The following ZNF407 variants were observed in gnomAD, a reference collection of about 807,000 sequenced individuals.
ZNF407 encodes zinc finger protein 407.
A neutral mutation model predicts 131.2 loss-of-function variants in ZNF407; 17 were observed. That is an observed-to-expected ratio of 0.13 (90% CI 0.09 to 0.19). ZNF407 has a LOEUF of 0.19. Ranked by LOEUF, ZNF407 falls within the 10% of genes least tolerant of loss-of-function variation. The pLI, the probability that ZNF407 is intolerant of heterozygous loss-of-function variation, is 1.00. For synonymous variants in ZNF407, 1,156 were observed against 1,062.0 expected (o/e 1.09, Z -1.72); for missense variants, 2,681 against 2,830.6 (o/e 0.95, Z 1.20).
At chr18:74,867,009 A>G (rs1465398928) in intron 4 of ZNF407, among the ~76,000 whole-genome samples, 4 of 148,640 alleles carry the variant, frequency 2.7e-5, no homozygotes, top group African/African-American at 7.4e-5. Flanking sequence ...AAAAAAAAAA[A>G]GGAAGAAATT....
chr18:74,654,295 T>C (rs1985354828), intron 3 of ZNF407, among the ~76,000 whole-genome samples: 2 of 151,846 alleles, frequency 1.3e-5, no homozygotes, highest in Non-Finnish European at 3.0e-5. Context: ...GCAGTAAACA[T>C]GGCAGCACCT....
At chr18:74,790,287 T>C (rs1255491465) in intron 4 of ZNF407, among the ~76,000 whole-genome samples, 2 of 152,186 alleles carry the variant, frequency 1.3e-5, no homozygotes, top group African/African-American at 2.4e-5. Flanking sequence ...TTGCCTCTTA[T>C]ATAGAAATAA....
chr18:74,709,943 T>C (rs1397789960), intron 3 of ZNF407, among the ~76,000 whole-genome samples: 1 of 152,244 alleles, frequency 6.6e-6, no homozygotes, highest in Non-Finnish European at 1.5e-5. Context: ...AATGTTACCA[T>C]ATTTCATTAA....
chr18:74,893,958 A>G (rs991770963), intron 7 of ZNF407, among the ~76,000 whole-genome samples: 4 of 152,144 alleles, frequency 2.6e-5, no homozygotes, highest in African/African-American at 7.2e-5. Context: ...ATATTATTTA[A>G]GTTTCATTTG....
intron 7 of ZNF407, among the ~76,000 whole-genome samples, chr18:74,894,049 T>C (rs551097970): frequency 6.6e-6 from 1 of 152,282 alleles, no homozygotes; most frequent in East Asian, 1.9e-4. Flanking sequence ...AATACAAATA[T>C]AGATTTGTTT....
chr18:74,617,180 A>ACACAG (rs1983350568), intron 1 of ZNF407, among the ~76,000 whole-genome samples: 1 of 152,032 alleles, frequency 6.6e-6, no homozygotes. Flanking sequence ...ATCCATATCC[A>ACACAG]CACACATCGA....
rs779835919 is a variant in ZNF407, at chr18:74,633,801, C to T, written c.2782C>T (p.Leu928Phe). The change falls in exon 2 of 9, where the codon CTT becomes TTT. Residue 928 changes from leucine to phenylalanine, a missense_variant. Transcript: ENST00000299687. Reference sequence around the variant, plus strand: ...CATTGTTGGCCCTGAAGGGGGTAGCCTTGAAGCTGGTAAAAAGAATGCTGG... The same window carrying T: ...CATTGTTGGCCCTGAAGGGGGTAGCTTTGAAGCTGGTAAAAAGAATGCTGG... ...DIIVGPEGGS[L>F]EAGKKNAGSA... 2 of 1,613,820 alleles carry T rather than the reference C, an allele frequency of 1.2e-6. No homozygotes were observed. Among genetic ancestry groups the T allele is most frequent in the East Asian group, 2.2e-5 (1 of 44,862 alleles).
chr18:74,786,592 T>TG, intron 4 of ZNF407, among the ~76,000 whole-genome samples: 1 of 151,976 alleles, frequency 6.6e-6, no homozygotes, highest in Non-Finnish European at 1.5e-5. Flanking sequence ...GAGGAAAACA[T>TG]GTCAGTTCTT....
intron 4 of ZNF407, among the ~76,000 whole-genome samples, chr18:74,836,125 A>G (rs1020093593): frequency 5.3e-5 from 8 of 152,210 alleles, no homozygotes; most frequent in African/African-American, 1.9e-4. Context: ...AGGACAAAAA[A>G]TAGGTTAAAA....
At chr18:74,747,804 AT>A (rs1194876508) in intron 3 of ZNF407, among the ~76,000 whole-genome samples, 1 of 152,262 alleles carries the variant, frequency 6.6e-6, no homozygotes, top group African/African-American at 2.4e-5. Context: ...TATGAATATA[AT>A]TTTCTGAGTG....
chr18:75,025,675 G>T (rs1033779571), intron 8 of ZNF407, among the ~76,000 whole-genome samples: 3 of 152,174 alleles, frequency 2.0e-5, no homozygotes, highest in Non-Finnish European at 4.4e-5. Flanking sequence ...AGTTTGTTTG[G>T]TATGGGGGAA....
At chr18:75,011,859 A>C (rs912345873) in intron 8 of ZNF407, among the ~76,000 whole-genome samples, 8 of 152,172 alleles carry the variant, frequency 5.3e-5, no homozygotes, top group Admixed American at 3.9e-4. Flanking sequence ...TAATTTGTTG[A>C]AAGTATAAAT....
intron 8 of ZNF407, among the ~76,000 whole-genome samples, chr18:74,922,328 G>A (rs1016701526): frequency 6.6e-6 from 1 of 152,212 alleles, no homozygotes; most frequent in South Asian, 2.1e-4. Context: ...CATCAGCAAA[G>A]TGTCCTCCTC....
intron 3 of ZNF407, among the ~76,000 whole-genome samples, chr18:74,756,784 AGC>A (rs1968974744): frequency 6.6e-6 from 1 of 152,190 alleles, no homozygotes; most frequent in East Asian, 1.9e-4. Flanking sequence ...TACTTGTTAT[AGC>A]TCTATACAGA....
intron 7 of ZNF407, among the ~76,000 whole-genome samples, chr18:74,913,519 C>T (rs920490785): frequency 2.6e-5 from 4 of 152,084 alleles, no homozygotes; most frequent in Admixed American, 1.3e-4. Flanking sequence ...TGCATTTAGC[C>T]AAGGGGAGTG....
intron 1 of ZNF407, among the ~76,000 whole-genome samples, chr18:74,629,593 G>A (rs79123945): frequency 2.6e-4 from 39 of 151,974 alleles, no homozygotes; most frequent in Non-Finnish European, 4.0e-4. Flanking sequence ...CGTATTGTTC[G>A]CGCTTCCAGT....
chr18:74,873,831 T>A (rs1260831384), intron 4 of ZNF407, among the ~76,000 whole-genome samples: 1 of 152,110 alleles, frequency 6.6e-6, no homozygotes, highest in African/African-American at 2.4e-5. Context: ...ATAACAGACA[T>A]CTCAGTGCCA....
intron 8 of ZNF407, among the ~76,000 whole-genome samples, chr18:74,963,801 T>G (rs1972377204): frequency 6.6e-6 from 1 of 152,268 alleles, no homozygotes; most frequent in Non-Finnish European, 1.5e-5. Flanking sequence ...TTGCAGATTT[T>G]TAACTAGAGA....
intron 8 of ZNF407, among the ~76,000 whole-genome samples, chr18:75,008,322 G>A (rs2122175434): frequency 6.6e-6 from 1 of 152,306 alleles, no homozygotes; most frequent in East Asian, 1.9e-4. Context: ...TTATACAGAT[G>A]ATTCCAAATC....
Sources: gnomAD v4.1 joint callset for allele counts (sites outside exome capture counted in the v4.1 genomes callset) on GRCh38, gnomAD v4.1.1 for gene constraint, MANE v1.5 for transcripts, NCBI Gene and HGNC (gene_info 2026-07-23, HGNC 2026-07-21) for gene names.